Variants in ATXN7 observed in about 807,000 individuals in gnomAD.
ATXN7 encodes ataxin 7, also known as ataxin-7.
A neutral mutation model predicts 70.5 loss-of-function variants in ATXN7; 12 were observed. The observed-to-expected ratio is 0.17, with a 90% CI of 0.11 to 0.28. The LOEUF (loss-of-function observed/expected upper bound fraction) is 0.28, where lower values mean the gene tolerates loss of function less well. ATXN7 is among the 10% of genes least tolerant of loss of function. ATXN7 has a pLI of 1.00. For synonymous variants in ATXN7, 498 were observed against 448.7 expected, an observed-to-expected ratio of 1.11 and a Z score of -1.39; for missense variants, 1,256 against 1,131.7, an observed-to-expected ratio of 1.11 and a Z score of -1.58.
intron 5 of ATXN7, among the ~76,000 whole-genome samples, chr3:63,975,623 C>T (rs2075377738): frequency 6.6e-6 from 1 of 152,078 alleles, no homozygotes; most frequent in African/African-American, 2.4e-5. Flanking sequence ...TAATTATTTG[C>T]TTTGAACTCC....
chr3:63,917,355 G>A (rs555844263), intron 4 of ATXN7, among the ~76,000 whole-genome samples: 5 of 152,288 alleles, frequency 3.3e-5, no homozygotes, highest in African/African-American at 1.2e-4. Flanking sequence ...ACAGATTTTG[G>A]ATTTGTGAAA....
intron 1 of ATXN7, among the ~76,000 whole-genome samples, chr3:63,875,024 A>G (rs1702709047): frequency 6.6e-6 from 1 of 152,204 alleles, no homozygotes; most frequent in Non-Finnish European, 1.5e-5. Flanking sequence ...CACTAATCCT[A>G]TTCATGAAGG....
chr3:63,913,168 G>A lies in ATXN7; in HGVS notation c.337G>A (p.Asp113Asn). The A allele has an allele frequency of 6.2e-7, 1 of 1,613,782 alleles. No individual in the cohort carries two copies. The highest frequency in any genetic ancestry group is 8.5e-7 in the Non-Finnish European group (1 of 1,179,908). Residue 113 changes from aspartate to asparagine, a missense_variant, in exon 4 of 13, where the codon GAC becomes AAC. By Grantham distance (23) the Asp-to-Asn change is conservative (BLOSUM62 1). Transcript: ENST00000674280. Reference protein sequence around the residue: ...KLPGKDGTELDESFKEFGKNR... With the variant: ...KLPGKDGTELNESFKEFGKNR... ...TGTATATCTCCTAGGGACAGAATTG[G>A]ACGAAAGTTTCAAGGAGTTTGGGAA...
chr3:63,973,509 C>G (rs2075346729), intron 5 of ATXN7, among the ~76,000 whole-genome samples: 1 of 152,132 alleles, frequency 6.6e-6, no homozygotes, highest in Non-Finnish European at 1.5e-5. Context: ...GTTCACTCTT[C>G]AAACTGATGC....
At chr3:63,944,214 G>A (rs2074819310) in intron 4 of ATXN7, among the ~76,000 whole-genome samples, 1 of 152,136 alleles carries the variant, frequency 6.6e-6, no homozygotes, top group Non-Finnish European at 1.5e-5. Flanking sequence ...CTGAAACTGA[G>A]GGTAGTACTG....
chr3:63,875,028 A>G (rs1702709196), intron 1 of ATXN7, among the ~76,000 whole-genome samples: 1 of 152,176 alleles, frequency 6.6e-6, no homozygotes, highest in Non-Finnish European at 1.5e-5. Context: ...AATCCTATTC[A>G]TGAAGGTTCT....
Position 63,912,684 on chromosome 3 carries a change from G to GGCAACA in ATXN7, c.89_90insACAGCA (p.Gln38_Gln39dup). 1 of 1,086,974 alleles carries GGCAACA rather than the reference G, an allele frequency of 9.2e-7. No individual in the cohort carries two copies. Among genetic ancestry groups the GGCAACA allele is most frequent in the Non-Finnish European group, 1.1e-6 (1 of 892,730 alleles). The allele number at this position is 1,086,974 out of a possible 1,614,324, so 67.3% of individuals were successfully genotyped here. A position where few individuals can be genotyped will look rare whatever the true frequency, so the allele number is the denominator to read the frequency against. ...GGCGGAGCAGCGGCCGCGGCCGCCC[G>GGCAACA]GCAGCAGCAGCAGCAGCAGCAGCAG... is the stretch of plus-strand genomic sequence containing the variant. On this transcript the variant is annotated inframe_insertion, in exon 3 of 13. Coordinates refer to ENST00000674280, the MANE Select transcript of ATXN7 (RefSeq NM_001377405.1).
At chr3:63,902,745 G>A (rs1043045574) in intron 2 of ATXN7, among the ~76,000 whole-genome samples, 1 of 152,088 alleles carries the variant, frequency 6.6e-6, no homozygotes, top group Admixed American at 6.5e-5. Flanking sequence ...AGCAAAGGAA[G>A]TGACTTGTAG....
At chr3:63,903,386 C>CAAAAA (rs775558434) in intron 2 of ATXN7, among the ~76,000 whole-genome samples, 1 of 49,580 alleles carries the variant, frequency 2.0e-5, no homozygotes, top group Non-Finnish European at 3.9e-5. Flanking sequence ...GACTCCGTCT[C>CAAAAA]AAAAAAAAAA....
At chr3:63,918,176 A>AAAACAAAC (rs141763850) in intron 4 of ATXN7, among the ~76,000 whole-genome samples, 7 of 151,986 alleles carry the variant, frequency 4.6e-5, no homozygotes, top group African/African-American at 1.4e-4. Flanking sequence ...ACTAGAGTTC[A>AAAACAAAC]AAACAAACAA....
At chr3:63,964,073 A>AACACACACACACAC (rs10557844) in intron 5 of ATXN7, among the ~76,000 whole-genome samples, 40 of 147,180 alleles carry the variant, frequency 2.7e-4, no homozygotes, top group East Asian at 1.0e-3. Context: ...TAGACACATA[A>AACACACACACACAC]ACACACACAC....
chr3:63,878,443 C>T (rs921044435), intron 1 of ATXN7: 3 of 152,196 alleles, frequency 2.0e-5, no homozygotes, highest in Non-Finnish European at 2.9e-5. Flanking sequence ...TAAAAGGTGT[C>T]GTTTCTGCTC....
At chr3:63,943,474 G>A (rs950472941) in intron 4 of ATXN7, among the ~76,000 whole-genome samples, 1 of 152,182 alleles carries the variant, frequency 6.6e-6, no homozygotes, top group African/African-American at 2.4e-5. Flanking sequence ...GAGACCAAAG[G>A]ACGACAGTGG....
chr3:63,918,535 GTCTTGCTTCACAAAC>G (rs1415078722), intron 4 of ATXN7, among the ~76,000 whole-genome samples: 1 of 152,204 alleles, frequency 6.6e-6, no homozygotes, highest in African/African-American at 2.4e-5. Flanking sequence ...TCATGGCCCA[GTCTTGCTTCACAAAC>G]TCTGCCCTAC....
intron 4 of ATXN7, among the ~76,000 whole-genome samples, chr3:63,945,388 C>T (rs2074842990): frequency 6.6e-6 from 1 of 152,214 alleles, no homozygotes; most frequent in African/African-American, 2.4e-5. Context: ...ATTTGAGAAT[C>T]AGACATTGAA....
chr3:63,997,499 G>A (rs1257771787), intron 12 of ATXN7: 23 of 759,074 alleles, frequency 3.0e-5, no homozygotes, highest in Non-Finnish European at 5.1e-5. Context: ...TTCTCTCTTA[G>A]GCTGTATTTT....
Position 63,988,306 on chromosome 3 carries a change from A to G in ATXN7, c.1343A>G (p.His448Arg). ...TTTGTAGCTAGTAAACCTAAACCTC[A>G]CACCCCCAGTCTTCCAAGGTAAGCC... ...KPFVASKPKP[H>R]TPSLPRPPGC... The change falls in exon 9 of 13, where the codon CAC becomes CGC. Residue 448 changes from histidine to arginine, a missense_variant. His to Arg is a conservative substitution (Grantham distance 29). Coordinates refer to ENST00000674280, the MANE Select transcript of ATXN7 (RefSeq NM_001377405.1). 1 of 1,613,744 alleles carries G rather than the reference A, an allele frequency of 6.2e-7. No homozygotes were observed.
At chr3:63,894,960 CCCT>C (rs1473666361) in intron 1 of ATXN7, among the ~76,000 whole-genome samples, 4 of 152,006 alleles carry the variant, frequency 2.6e-5, no homozygotes, top group Non-Finnish European at 4.4e-5. Context: ...TGTTTTCTCT[CCCT>C]CCTCCTCCTC....
In ATXN7 at chr3:63,993,373, C is replaced by A. The variant is rs537373999; in HGVS notation, c.1683-2132C>A. 1.9e-3 allele frequency among the ~76,000 whole-genome samples: 287 copies of A among 149,684 alleles called. 1 individual carries two copies. The highest frequency in any genetic ancestry group is 0.017 in the Middle Eastern group (5 of 290). ...GCTGAGGCAGGAGAATGGGGTGAAC[C>A]CGGGAGGCAGAGCTTGCAGTGAGCC... On this transcript the variant is annotated intron_variant, in intron 11 of 12. Transcript: ENST00000674280.
Sources: gnomAD v4.1 joint callset for allele counts (sites outside exome capture counted in the v4.1 genomes callset) on GRCh38, gnomAD v4.1.1 for gene constraint, MANE v1.5 for transcripts, NCBI Gene and HGNC (gene_info 2026-07-23, HGNC 2026-07-21) for gene names.